SCLT1: variants seen among roughly 807,000 people sequenced by gnomAD.
SCLT1 encodes the protein sodium channel and clathrin linker 1.
A neutral mutation model predicts 112.8 loss-of-function variants in SCLT1; 78 were observed. The observed-to-expected ratio is 0.69, with a 90% CI of 0.58 to 0.83. The LOEUF (loss-of-function observed/expected upper bound fraction) is 0.83. SCLT1 is among the 40% of genes least tolerant of loss of function. SCLT1 has a pLI of 0.00. For synonymous variants in SCLT1, 257 were observed against 254.7 expected (o/e 1.01, Z -0.09); for missense variants, 747 against 770.4 (o/e 0.97, Z 0.36).
chr4:128,875,456 C>G (rs1283895294), intron 4 of SCLT1, among the ~76,000 whole-genome samples: 1 of 150,416 alleles, frequency 6.6e-6, no homozygotes, highest in African/African-American at 2.4e-5. Context: ...GGAGTTCTTT[C>G]CAGAATACAG....
At chr4:128,966,616 T>G (rs1740217270) in intron 10 of SCLT1, among the ~76,000 whole-genome samples, 1 of 152,206 alleles carries the variant, frequency 6.6e-6, no homozygotes. Flanking sequence ...TAGTTTCTTC[T>G]TGTATCTGAG....
At chr4:128,982,478 AATGAG>A (rs1741744576) in intron 9 of SCLT1, among the ~76,000 whole-genome samples, 1 of 152,170 alleles carries the variant, frequency 6.6e-6, no homozygotes, top group African/African-American at 2.4e-5. Context: ...TATGTCTGTT[AATGAG>A]ATAAGTCCTT....
chr4:128,904,573 C>G (rs1215009825), intron 18 of SCLT1, among the ~76,000 whole-genome samples: 1 of 152,098 alleles, frequency 6.6e-6, no homozygotes, highest in Non-Finnish European at 1.5e-5. Flanking sequence ...GTTTGTTGTT[C>G]CCATCTTTAT....
intron 18 of SCLT1, among the ~76,000 whole-genome samples, chr4:128,928,105 TA>T (rs922569276): frequency 6.6e-6 from 1 of 151,814 alleles, no homozygotes; most frequent in African/African-American, 2.4e-5. Flanking sequence ...GACTCAACGA[TA>T]AAAAAACACT....
chr4:128,898,947 A>T (rs1422276826), intron 18 of SCLT1, among the ~76,000 whole-genome samples: 1 of 152,236 alleles, frequency 6.6e-6, no homozygotes, highest in African/African-American at 2.4e-5. Flanking sequence ...ATTCCTTGAC[A>T]CATACACCCT....
rs539473095 is a variant in SCLT1 at position 129,062,149 on chromosome 4, C to T, written c.103-18098G>A. 3.9e-5 allele frequency among the ~76,000 whole-genome samples: 6 copies of T among 152,250 alleles called. No individual in the cohort carries two copies. In the South Asian group the frequency reaches 1.0e-3, roughly 26 times the overall value. ...TACCTTTCCCAAGTAGAGAGAAATT[C>T]CTCCTTGTTCCTAGCTGGTCCCAGT... On this transcript the variant is annotated intron_variant, in intron 2 of 20. Transcript: ENST00000281142.
chr4:129,047,653 T>C (rs1748311862), intron 2 of SCLT1, among the ~76,000 whole-genome samples: 1 of 152,158 alleles, frequency 6.6e-6, no homozygotes, highest in Non-Finnish European at 1.5e-5. Flanking sequence ...GCATCCATTA[T>C]TGCCTGTCTT....
intron 18 of SCLT1, among the ~76,000 whole-genome samples, chr4:128,912,930 A>T (rs1735212502): frequency 6.6e-6 from 1 of 152,186 alleles, no homozygotes; most frequent in African/African-American, 2.4e-5. Flanking sequence ...ATAAACTGCA[A>T]TCTTGACTAT....
chr4:128,958,741 A>G (rs1052517850), intron 12 of SCLT1, among the ~76,000 whole-genome samples: 1 of 152,200 alleles, frequency 6.6e-6, no homozygotes, highest in South Asian at 2.1e-4. Context: ...GACAGTATTC[A>G]GATCACAGAT....
intron 2 of SCLT1, among the ~76,000 whole-genome samples, chr4:129,056,142 G>T (rs1265614637): frequency 6.6e-6 from 1 of 152,170 alleles, no homozygotes; most frequent in African/African-American, 2.4e-5. Context: ...CCAATGAGAT[G>T]AACAGTTTAC....
At chr4:129,051,881 T>C (rs184446389) in intron 2 of SCLT1, among the ~76,000 whole-genome samples, 67 of 152,272 alleles carry the variant, frequency 4.4e-4, no homozygotes, top group Middle Eastern at 3.4e-3. Flanking sequence ...ATAGCTCCTA[T>C]TGTTTTGAGA....
chr4:129,048,167 C>G (rs932441087), intron 2 of SCLT1, among the ~76,000 whole-genome samples: 1 of 152,136 alleles, frequency 6.6e-6, no homozygotes, highest in African/African-American at 2.4e-5. Flanking sequence ...GCCCGCATCA[C>G]CAAGTCAATC....
chr4:129,017,507 A>T (rs1164230677), intron 5 of SCLT1, among the ~76,000 whole-genome samples: 1 of 152,040 alleles, frequency 6.6e-6, no homozygotes, highest in Admixed American at 6.6e-5. Context: ...TCAGTTAAGT[A>T]CCCTAAAGGT....
intron 2 of SCLT1, among the ~76,000 whole-genome samples, chr4:129,051,570 G>A (rs558569251): frequency 6.6e-6 from 1 of 152,282 alleles, no homozygotes; most frequent in Non-Finnish European, 1.5e-5. Context: ...TTTGCACATT[G>A]ATTTTGTATC....
chr4:128,995,950 A>G (rs943856518), intron 8 of SCLT1, among the ~76,000 whole-genome samples: 3 of 152,000 alleles, frequency 2.0e-5, no homozygotes, highest in African/African-American at 7.2e-5. Context: ...CAATGCCTCC[A>G]TTCTCCCTTG....
intron 5 of SCLT1, chr4:128,873,940 A>C (rs1312554243): frequency 6.6e-6 from 1 of 152,628 alleles, no homozygotes; most frequent in African/African-American, 2.4e-5. Context: ...ATACATCCCC[A>C]TTGTATGTAC....
chr4:129,036,364 A>T (rs1346344218), intron 5 of SCLT1, among the ~76,000 whole-genome samples: 1 of 152,084 alleles, frequency 6.6e-6, no homozygotes, highest in African/African-American at 2.4e-5. Flanking sequence ...TATAGGAAAC[A>T]ATTAAATGAT....
intron 2 of SCLT1, among the ~76,000 whole-genome samples, chr4:129,052,623 T>A (rs1450428406): frequency 6.6e-6 from 1 of 152,162 alleles, no homozygotes; most frequent in Non-Finnish European, 1.5e-5. Context: ...CTCTCTTTTC[T>A]TCTTTATTAG....
intron 11 of SCLT1, 119 bp downstream of exon 11, chr4:128,965,108 T>C (rs2126023236): frequency 1.7e-6 from 1 of 592,586 alleles, no homozygotes; most frequent in East Asian, 2.9e-5. Flanking sequence ...ACACCTATGA[T>C]TATAGTTTTG....
Sources: allele counts gnomAD v4.1 joint callset (sites outside exome capture counted in the v4.1 genomes callset), GRCh38; gene constraint gnomAD v4.1.1; transcripts MANE v1.5; gene names NCBI Gene and HGNC (gene_info 2026-07-23, HGNC 2026-07-21).